RBMS3: variants seen among roughly 807,000 people sequenced by gnomAD.
RBMS3 encodes the protein RNA binding motif single stranded interacting protein 3.
A neutral mutation model predicts 66.8 loss-of-function variants in RBMS3; 27 were observed. The ratio of observed to expected loss-of-function variants is 0.40; its 90% CI spans 0.30 to 0.56. The LOEUF (loss-of-function observed/expected upper bound fraction) is 0.56, where lower values mean the gene tolerates loss of function less well. RBMS3 is among the 20% of genes least tolerant of loss of function. The pLI is 0.40. For missense variants in RBMS3, 513 were observed against 549.5 expected, an observed-to-expected ratio of 0.93 and a Z score of 0.66; for synonymous variants, 188 against 183.0, an observed-to-expected ratio of 1.03 and a Z score of -0.22.
chr3:29,491,358 T>A (rs116804090), intron 3 of RBMS3, among the ~76,000 whole-genome samples: 8,334 of 152,172 alleles, frequency 0.055, 656 homozygotes, highest in African/African-American at 0.17. Context: ...ACCTCCAAAG[T>A]GGGATGTGTG....
intron 12 of RBMS3, among the ~76,000 whole-genome samples, chr3:29,974,134 C>CA (rs1697403088): frequency 6.6e-6 from 1 of 151,818 alleles, no homozygotes; most frequent in Non-Finnish European, 1.5e-5. Flanking sequence ...ATTTTGTAAC[C>CA]ATAAGACTTA....
At chr3:29,448,735 T>C (rs754879126) in intron 2 of RBMS3, among the ~76,000 whole-genome samples, 1 of 152,188 alleles carries the variant, frequency 6.6e-6, no homozygotes, top group African/African-American at 2.4e-5. Context: ...AACTCTTAAG[T>C]AGCAGGCAAA....
At chr3:29,613,070 G>T (rs2048545395) in intron 4 of RBMS3, among the ~76,000 whole-genome samples, 1 of 151,990 alleles carries the variant, frequency 6.6e-6, no homozygotes, top group Non-Finnish European at 1.5e-5. Context: ...GCTCAGTAGG[G>T]TCCCACACAT....
intron 1 of RBMS3, among the ~76,000 whole-genome samples, chr3:29,378,545 A>T (rs540829639): frequency 6.6e-6 from 1 of 152,122 alleles, no homozygotes; most frequent in South Asian, 2.1e-4. Flanking sequence ...GGATTAAATG[A>T]GATAATGTTG....
At chr3:29,306,028 T>G (rs888525637) in intron 1 of RBMS3, among the ~76,000 whole-genome samples, 2 of 151,964 alleles carry the variant, frequency 1.3e-5, no homozygotes, top group Non-Finnish European at 2.9e-5. Context: ...ATGGCACATG[T>G]GTCTTCACAC....
intron 12 of RBMS3, among the ~76,000 whole-genome samples, chr3:29,962,568 A>ATATAT (rs199824648): frequency 2.0e-5 from 3 of 149,404 alleles, no homozygotes; most frequent in Admixed American, 6.7e-5. Context: ...ATATATATAT[A>ATATAT]ATACCATACC....
intron 12 of RBMS3, among the ~76,000 whole-genome samples, chr3:29,979,147 G>A (rs1283085501): frequency 1.3e-5 from 2 of 151,476 alleles, no homozygotes; most frequent in African/African-American, 4.9e-5. Flanking sequence ...AAAAAGAAAC[G>A]AGAAGGAAAG....
At chr3:29,341,944 C>T (rs141140489) in intron 1 of RBMS3, among the ~76,000 whole-genome samples, 11 of 152,162 alleles carry the variant, frequency 7.2e-5, no homozygotes, top group Non-Finnish European at 1.2e-4. Flanking sequence ...TTAAAACTGA[C>T]GGGACACATA....
chr3:29,959,622 C>T (rs188949574), intron 12 of RBMS3, among the ~76,000 whole-genome samples: 10 of 152,056 alleles, frequency 6.6e-5, no homozygotes, highest in Admixed American at 2.6e-4. Flanking sequence ...CATGATGCTG[C>T]GAAGAATTAC....
chr3:29,899,364 G>A (rs1340632531), intron 9 of RBMS3, among the ~76,000 whole-genome samples: 2 of 151,746 alleles, frequency 1.3e-5, no homozygotes, highest in East Asian at 3.9e-4. Context: ...TTCATTACTT[G>A]CCAGGACATC....
At chr3:29,816,301 GACACACACAGACACAC>G (rs1553677398) in intron 6 of RBMS3, among the ~76,000 whole-genome samples, 27,153 of 135,068 alleles carry the variant, frequency 0.2, 2,835 homozygotes, top group Non-Finnish European at 0.26. Context: ...GACACACACA[GACACACACAGACACAC>G]ACACACACAC....
intron 6 of RBMS3, among the ~76,000 whole-genome samples, chr3:29,846,444 A>G (rs1355954098): frequency 6.6e-6 from 1 of 152,174 alleles, no homozygotes; most frequent in Non-Finnish European, 1.5e-5. Flanking sequence ...TCTTTATGGG[A>G]TATCAAGAGA....
At chr3:29,374,521 C>G (rs930919591) in intron 1 of RBMS3, among the ~76,000 whole-genome samples, 2 of 152,128 alleles carry the variant, frequency 1.3e-5, no homozygotes, top group Non-Finnish European at 2.9e-5. Flanking sequence ...ACTTTCAGTA[C>G]AGTAGTCAAT....
At chr3:29,569,945 T>C (rs2046888945) in intron 3 of RBMS3, among the ~76,000 whole-genome samples, 1 of 147,070 alleles carries the variant, frequency 6.8e-6, no homozygotes, top group South Asian at 2.2e-4. Context: ...GATGGGATTA[T>C]AGAGATCCAT....
intron 1 of RBMS3, among the ~76,000 whole-genome samples, chr3:29,387,236 T>A (rs2039051350): frequency 6.6e-6 from 1 of 152,150 alleles, no homozygotes; most frequent in African/African-American, 2.4e-5. Flanking sequence ...TATAAAAAAC[T>A]AAAAACTGCA....
At chr3:29,908,989 T>G (rs2060452206) in intron 10 of RBMS3, among the ~76,000 whole-genome samples, 1 of 151,982 alleles carries the variant, frequency 6.6e-6, no homozygotes, top group Non-Finnish European at 1.5e-5. Flanking sequence ...AAGATGACCT[T>G]AAAGGATGGG....
At chr3:29,487,279 C>T (rs544469211) in intron 2 of RBMS3, among the ~76,000 whole-genome samples, 4 of 151,816 alleles carry the variant, frequency 2.6e-5, no homozygotes, top group South Asian at 4.2e-4. Context: ...GGAATAATCT[C>T]GTGTGGTAAT....
chr3:29,559,132 C>A (rs59132320), intron 3 of RBMS3, among the ~76,000 whole-genome samples: 24,562 of 151,940 alleles, frequency 0.16, 2,449 homozygotes, highest in East Asian at 0.43. Flanking sequence ...AAAATTGTTG[C>A]CAGTGATTAT....
chr3:30,009,718 T>C lies in RBMS3; in HGVS notation c.*5856T>C, dbSNP rs1699907589. ...CATTACATTTTGACTGCGTTACTTA[T>C]TAAGGCCGAATGACTTTGACACCCC... On this transcript the variant is annotated 3_prime_UTR_variant, in exon 15 of 15. Transcript: ENST00000383767. 1 of 152,154 alleles carries C rather than the reference T, an allele frequency of 6.6e-6. No homozygotes were observed. Among genetic ancestry groups the C allele is most frequent in the Non-Finnish European group, 1.5e-5 (1 of 68,004 alleles). The allele number at this position is 152,154 out of a possible 1,614,324, so 9.4% of individuals were successfully genotyped here.
Sources: gnomAD v4.1 joint callset for allele counts (sites outside exome capture counted in the v4.1 genomes callset) on GRCh38, gnomAD v4.1.1 for gene constraint, MANE v1.5 for transcripts, NCBI Gene and HGNC (gene_info 2026-07-23, HGNC 2026-07-21) for gene names.